Variants in HS6ST3 observed in about 807,000 individuals in gnomAD.
HS6ST3 encodes heparan sulfate 6-O-sulfotransferase 3, also known as heparan-sulfate 6-O-sulfotransferase 3.
In HS6ST3, 12 loss-of-function variants were observed where a neutral mutation model predicts 36.7. The observed-to-expected ratio is 0.33, with a 90% CI of 0.21 to 0.53. The LOEUF is 0.53. Among genes scored for constraint, HS6ST3 ranks in the 20% least tolerant of loss-of-function variants. HS6ST3 has a pLI of 0.95. For synonymous variants in HS6ST3, 240 were observed against 257.5 expected, an observed-to-expected ratio of 0.93 and a Z score of 0.65; for missense variants, 584 against 640.9, an observed-to-expected ratio of 0.91 and a Z score of 0.96.
intron 1 of HS6ST3, among the ~76,000 whole-genome samples, chr13:96,277,100 C>G (rs1472985336): frequency 6.6e-6 from 1 of 152,194 alleles, no homozygotes. Context: ...TTCCACCACT[C>G]TTGCCAAAGT....
intron 1 of HS6ST3, among the ~76,000 whole-genome samples, chr13:96,539,292 C>T (rs2056168545): frequency 6.6e-6 from 1 of 152,138 alleles, no homozygotes; most frequent in South Asian, 2.1e-4. Context: ...AATGTGTCTC[C>T]ATCCTATGAC....
At chr13:96,659,072 T>C (rs1368437154) in intron 1 of HS6ST3, among the ~76,000 whole-genome samples, 1 of 152,206 alleles carries the variant, frequency 6.6e-6, no homozygotes, top group Non-Finnish European at 1.5e-5. Context: ...GGAGGAAAAA[T>C]ATATGTAGCT....
rs577499184 is a variant in HS6ST3 at position 96,298,856 on chromosome 13, G to A, written c.707+207287G>A. 2.0e-5 allele frequency among the ~76,000 whole-genome samples: 3 copies of A among 152,174 alleles called. No individual in the cohort carries two copies. The East Asian group carries it at 5.8e-4, about 29-fold the overall frequency. Reference sequence around the variant, plus strand: ...TTCTACCAAATACATGGAATTAAGTGGAAGAAATTTTATATTGCAGGAAAA... The same window carrying A: ...TTCTACCAAATACATGGAATTAAGTAGAAGAAATTTTATATTGCAGGAAAA... On this transcript the variant is annotated intron_variant, in intron 1 of 1. Coordinates refer to ENST00000376705, the MANE Select transcript of HS6ST3 (RefSeq NM_153456.4).
At chr13:96,602,895 A>G (rs904079154) in intron 1 of HS6ST3, among the ~76,000 whole-genome samples, 3 of 152,120 alleles carry the variant, frequency 2.0e-5, no homozygotes, top group Admixed American at 2.0e-4. Context: ...TTTGCAGTGT[A>G]CTTCCTGGGT....
chr13:96,310,499 C>A lies in HS6ST3; in HGVS notation c.707+218930C>A, dbSNP rs2054934964. Among the ~76,000 whole-genome samples the A allele has an allele frequency of 7.2e-5, 11 of 152,160 alleles. No homozygotes were observed. The South Asian group carries it at 2.1e-3, about 29-fold the overall frequency. ...AAAAAAAACAAGTTAAATCTAACAA[C>A]CAGTACTGAAAAGAATGGGAGATGC... On this transcript the variant is annotated intron_variant, in intron 1 of 1. Coordinates refer to ENST00000376705, the MANE Select transcript of HS6ST3 (RefSeq NM_153456.4).
chr13:96,356,869 T>C (rs1237617179), intron 1 of HS6ST3, among the ~76,000 whole-genome samples: 2 of 152,238 alleles, frequency 1.3e-5, no homozygotes, highest in African/African-American at 4.8e-5. Context: ...TCTTTTCTAA[T>C]ATGAAGCTGC....
chr13:96,703,792 C>A (rs1875349846), intron 1 of HS6ST3, among the ~76,000 whole-genome samples: 1 of 152,128 alleles, frequency 6.6e-6, no homozygotes, highest in Admixed American at 6.6e-5. Context: ...AAATTGTAAT[C>A]CCCGTTTATC....
At chr13:96,579,860 G>A (rs1293763957) in intron 1 of HS6ST3, among the ~76,000 whole-genome samples, 1 of 152,086 alleles carries the variant, frequency 6.6e-6, no homozygotes, top group African/African-American at 2.4e-5. Flanking sequence ...AGTGCTACTG[G>A]TATGATATGG....
chr13:96,481,106 A>G (rs1179272151), intron 1 of HS6ST3, among the ~76,000 whole-genome samples: 9 of 152,154 alleles, frequency 5.9e-5, no homozygotes, highest in Non-Finnish European at 4.4e-5. Context: ...TATTCTCTGC[A>G]TAATAATTTT....
intron 1 of HS6ST3, among the ~76,000 whole-genome samples, chr13:96,716,431 C>G (rs1875697737): frequency 6.6e-6 from 1 of 152,130 alleles, no homozygotes. Flanking sequence ...AAGAGTGCAA[C>G]TTAAATTCCA....
intron 1 of HS6ST3, among the ~76,000 whole-genome samples, chr13:96,103,066 G>C (rs1428340841): frequency 6.6e-6 from 1 of 151,926 alleles, no homozygotes; most frequent in East Asian, 1.9e-4. Context: ...TTTTGAGAAG[G>C]GGGTGGAGGG....
chr13:96,421,073 C>T (rs892811677), intron 1 of HS6ST3, among the ~76,000 whole-genome samples: 1 of 152,238 alleles, frequency 6.6e-6, no homozygotes, highest in African/African-American at 2.4e-5. Context: ...GTTATGATGC[C>T]TCCTCTGGAG....
chr13:96,792,129 G>T (rs1450719209), intron 1 of HS6ST3, among the ~76,000 whole-genome samples: 1 of 151,908 alleles, frequency 6.6e-6, no homozygotes, highest in Non-Finnish European at 1.5e-5. Flanking sequence ...AAAAGAAATG[G>T]AAAAAGTAAA....
At chr13:96,639,939 C>T (rs1476927505) in intron 1 of HS6ST3, among the ~76,000 whole-genome samples, 1 of 151,868 alleles carries the variant, frequency 6.6e-6, no homozygotes, top group Non-Finnish European at 1.5e-5. Flanking sequence ...GTAAATGTAC[C>T]ACATTGGCTT....
intron 1 of HS6ST3, among the ~76,000 whole-genome samples, chr13:96,587,482 G>A (rs1286618271): frequency 6.6e-6 from 1 of 152,190 alleles, no homozygotes; most frequent in African/African-American, 2.4e-5. Context: ...TGCTTCTGCA[G>A]ACAGGGAAGT....
chr13:96,387,238 G>A (rs2055373019), intron 1 of HS6ST3, among the ~76,000 whole-genome samples: 2 of 152,142 alleles, frequency 1.3e-5, no homozygotes, highest in African/African-American at 4.8e-5. Flanking sequence ...TATTATGTTT[G>A]TCTAAGACCA....
At position 96,736,976 on chromosome 13, in the gene HS6ST3, C is replaced by T. The variant is rs1876300995; in HGVS notation, c.708-95514C>T. Among the ~76,000 whole-genome samples the T allele has an allele frequency of 1.3e-5, 2 of 152,056 alleles. 1 individual carries two copies. Among genetic ancestry groups the T allele is most frequent in the South Asian group, 4.1e-4 (2 of 4,828 alleles). ...GTCAGGCTCGAAATCATAGCACTAA[C>T]TGATTCACTAACAAAAAAAATTAAA... is the stretch of plus-strand genomic sequence containing the variant. On this transcript the variant is annotated intron_variant, in intron 1 of 1. Coordinates refer to ENST00000376705, the MANE Select transcript of HS6ST3 (RefSeq NM_153456.4).
intron 1 of HS6ST3, among the ~76,000 whole-genome samples, chr13:96,100,333 G>A (rs1354271350): frequency 6.6e-6 from 1 of 151,966 alleles, no homozygotes; most frequent in Non-Finnish European, 1.5e-5. Flanking sequence ...TAAAGTATTG[G>A]TAGCTTTACA....
intron 1 of HS6ST3, among the ~76,000 whole-genome samples, chr13:96,420,808 A>G (rs1039844679): frequency 3.3e-5 from 5 of 152,240 alleles, no homozygotes; most frequent in African/African-American, 1.2e-4. Context: ...AAGGAATAGT[A>G]TAGTTATTTT....
Sources: gnomAD v4.1 joint callset for allele counts (sites outside exome capture counted in the v4.1 genomes callset) on GRCh38, gnomAD v4.1.1 for gene constraint, MANE v1.5 for transcripts, NCBI Gene and HGNC (gene_info 2026-07-23, HGNC 2026-07-21) for gene names.